Variants in SLC1A2 observed in about 807,000 individuals in gnomAD.
The protein encoded by SLC1A2 is solute carrier family 1 member 2.
In SLC1A2, 15 loss-of-function variants were observed where a neutral mutation model predicts 48.8. That is an observed-to-expected ratio of 0.31 (90% CI 0.21 to 0.47). The LOEUF (loss-of-function observed/expected upper bound fraction) is 0.47. SLC1A2 is among the 20% of genes least tolerant of loss of function. The pLI is 0.99. For synonymous variants in SLC1A2, 279 were observed against 272.6 expected, an observed-to-expected ratio of 1.02 and a Z score of -0.23; for missense variants, 502 against 730.5, an observed-to-expected ratio of 0.69 and a Z score of 3.61.
intron 1 of SLC1A2, among the ~76,000 whole-genome samples, chr11:35,378,348 G>T (rs1173471031): frequency 6.6e-6 from 1 of 152,256 alleles, no homozygotes; most frequent in African/African-American, 2.4e-5. Flanking sequence ...CTCCTGGGAA[G>T]ACAGCAGTAT....
chr11:35,383,098 A>G (rs1040593539), intron 1 of SLC1A2, among the ~76,000 whole-genome samples: 57 of 152,358 alleles, frequency 3.7e-4, no homozygotes, highest in African/African-American at 1.3e-3. Context: ...AGTCAATTGT[A>G]TAGTGTAGCC....
chr11:35,271,244 C>T (rs1850271491), intron 9 of SLC1A2, among the ~76,000 whole-genome samples: 1 of 152,170 alleles, frequency 6.6e-6, no homozygotes, highest in Non-Finnish European at 1.5e-5. Flanking sequence ...AAGCATGTGA[C>T]TCAGTTATGA....
intron 1 of SLC1A2, among the ~76,000 whole-genome samples, chr11:35,401,918 T>C (rs1855151383): frequency 6.6e-6 from 1 of 152,190 alleles, no homozygotes; most frequent in South Asian, 2.1e-4. Context: ...TCCTGCCTAG[T>C]GGCTGCCTGT....
chr11:35,404,165 T>C (rs1855215727), intron 1 of SLC1A2, among the ~76,000 whole-genome samples: 1 of 152,230 alleles, frequency 6.6e-6, no homozygotes, highest in African/African-American at 2.4e-5. Context: ...TCTTGTGTTG[T>C]TGATTTTGGG....
chr11:35,280,750 AAGAGTGAGGG>A, intron 9 of SLC1A2, 107 bp downstream of exon 9: 1 of 619,366 alleles, frequency 1.6e-6, no homozygotes, highest in East Asian at 2.9e-5. Context: ...AGGAGGAAGG[AAGAGTGAGGG>A]AGTTGCCATG....
At chr11:35,359,573 G>T (rs931401691) in intron 1 of SLC1A2, among the ~76,000 whole-genome samples, 2 of 152,158 alleles carry the variant, frequency 1.3e-5, no homozygotes, top group Non-Finnish European at 2.9e-5. Flanking sequence ...TCAGTATCAT[G>T]TAATTAATAT....
rs1850833693 is a variant in SLC1A2 at position 35,286,740 on chromosome 11, TA to T, written c.1286+16del. 3 of 1,594,862 alleles carry T rather than the reference TA, an allele frequency of 1.9e-6. No homozygotes were observed. In the East Asian group the frequency reaches 6.8e-5, roughly 36 times the overall value. On this transcript the variant is annotated intron_variant, in intron 8 of 10. Transcript: ENST00000278379. The stretch of plus-strand genomic sequence containing the variant: ...ACAGGGTAGAGGTTGTTTTGTGTTT[TA>T]CCCCACCCTTCTCACCTTACAGTCA...
In SLC1A2 at chr11:35,271,140, T is replaced by A. The variant is rs542902621; in HGVS notation, c.1422-5382A>T. 7.2e-5 allele frequency among the ~76,000 whole-genome samples: 11 copies of A among 152,302 alleles called. 1 individual carries two copies. The South Asian group carries it at 2.3e-3, about 32-fold the overall frequency. On this transcript the variant is annotated intron_variant, in intron 9 of 10. Coordinates refer to ENST00000278379, the MANE Select transcript of SLC1A2 (RefSeq NM_004171.4). ...TCAAAGATTCCTCTCAGGTTTCTGG[T>A]TTGGGCAACCAGTAGACAATGTAAC...
chr11:35,351,276 C>T (rs1438651053), intron 1 of SLC1A2, among the ~76,000 whole-genome samples: 1 of 152,244 alleles, frequency 6.6e-6, no homozygotes, highest in Non-Finnish European at 1.5e-5. Context: ...CCATGCTCTT[C>T]TCTCTGCATA....
At chr11:35,409,412 A>T (rs1855393541) in intron 1 of SLC1A2, among the ~76,000 whole-genome samples, 1 of 152,194 alleles carries the variant, frequency 6.6e-6, no homozygotes, top group African/African-American at 2.4e-5. Flanking sequence ...TGTTCCCAAT[A>T]TATTTATTTA....
At chr11:35,363,511 C>T (rs1010907486) in intron 1 of SLC1A2, among the ~76,000 whole-genome samples, 4 of 152,134 alleles carry the variant, frequency 2.6e-5, no homozygotes, top group Admixed American at 6.5e-5. Context: ...CAGATCTCTC[C>T]AGGCTGTCAA....
intron 1 of SLC1A2, among the ~76,000 whole-genome samples, chr11:35,342,577 C>A (rs1274077291): frequency 6.6e-6 from 1 of 151,400 alleles, no homozygotes; most frequent in Non-Finnish European, 1.5e-5. Context: ...TCAAAAGGAG[C>A]CACAGCATAA....
chr11:35,311,924 CGGGG>C (rs1173512245), intron 4 of SLC1A2, among the ~76,000 whole-genome samples: 2 of 1,998 alleles, frequency 1.0e-3, no homozygotes, highest in Admixed American at 0.012. Flanking sequence ...GAGAGAGAGG[CGGGG>C]GGGGGGGGTG....
intron 1 of SLC1A2, among the ~76,000 whole-genome samples, chr11:35,366,309 T>G (rs1159453371): frequency 3.9e-5 from 6 of 152,188 alleles, no homozygotes; most frequent in Admixed American, 2.6e-4. Flanking sequence ...GTCCCTCTAA[T>G]GCACTCCAGC....
At chr11:35,270,396 CCTTTT>C (rs1260889262) in intron 9 of SLC1A2, among the ~76,000 whole-genome samples, 1 of 152,140 alleles carries the variant, frequency 6.6e-6, no homozygotes. Flanking sequence ...AGAAAATGTT[CCTTTT>C]CTTACACCTG....
At chr11:35,420,358 C>T (rs1188243470), upstream of SLC1A2, among the ~76,000 whole-genome samples, 4 of 151,908 alleles carry the variant, frequency 2.6e-5, no homozygotes, top group African/African-American at 9.7e-5. Flanking sequence ...AATGACGAGA[C>T]CTGTGCAGCT....
intron 7 of SLC1A2, among the ~76,000 whole-genome samples, chr11:35,290,944 G>A (rs1407311013): frequency 6.6e-6 from 1 of 152,050 alleles, no homozygotes; most frequent in East Asian, 1.9e-4. Context: ...GTTTTATTTG[G>A]CTTCCCAGGT....
At chr11:35,307,622 G>A (rs865908681) in intron 4 of SLC1A2, among the ~76,000 whole-genome samples, 17 of 152,216 alleles carry the variant, frequency 1.1e-4, no homozygotes, top group Admixed American at 5.2e-4. Flanking sequence ...GGAAGAAGAT[G>A]TACGGGAAAG....
rs928561418 is a variant in SLC1A2, at chr11:35,256,315, G to A, written c.*4579C>T. ...TTAAAACCAAGCCTCACACTAACTT[G>A]TGTGATGGCTTACTAAGCTGGCTGT... On this transcript the variant is annotated 3_prime_UTR_variant, in exon 11 of 11. Coordinates refer to ENST00000278379, the MANE Select transcript of SLC1A2 (RefSeq NM_004171.4). 3.4e-4 allele frequency: 51 copies of A among 152,234 alleles called. No individual in the cohort carries two copies. Among genetic ancestry groups the A allele is most frequent in the African/African-American group, 1.2e-3 (51 of 41,462 alleles). 9.4% of individuals were successfully genotyped at this position (152,234 alleles called of 1,614,324 possible).
Sources: gnomAD v4.1 joint callset for allele counts (sites outside exome capture counted in the v4.1 genomes callset) on GRCh38, gnomAD v4.1.1 for gene constraint, MANE v1.5 for transcripts, NCBI Gene and HGNC (gene_info 2026-07-23, HGNC 2026-07-21) for gene names.